ESR1: variants seen among roughly 807,000 people sequenced by gnomAD.
ESR1 encodes estrogen receptor 1.
A neutral mutation model predicts 52.7 loss-of-function variants in ESR1; 12 were observed. That is an observed-to-expected ratio of 0.23 (90% CI 0.15 to 0.37). The LOEUF is 0.37. Among genes scored for constraint, ESR1 ranks in the 10% least tolerant of loss-of-function variants. The pLI is 1.00. For missense variants in ESR1, 584 were observed against 779.7 expected (o/e 0.75, Z 2.99); for synonymous variants, 305 against 316.8 (o/e 0.96, Z 0.39).
intron 6 of ESR1, among the ~76,000 whole-genome samples, chr6:152,091,172 C>T (rs567622632): frequency 2.1e-4 from 32 of 152,334 alleles, no homozygotes; most frequent in African/African-American, 6.3e-4. Flanking sequence ...CCAAAGCACA[C>T]GAAGCATTCT....
chr6:151,815,220 T>A (rs1779421191), intron 1 of ESR1, among the ~76,000 whole-genome samples: 1 of 152,214 alleles, frequency 6.6e-6, no homozygotes, highest in Non-Finnish European at 1.5e-5. Flanking sequence ...CTGGAATATT[T>A]CAAGCAATTC....
intron 5 of ESR1, among the ~76,000 whole-genome samples, chr6:152,024,986 C>T (rs1415276805): frequency 6.6e-6 from 1 of 151,316 alleles, no homozygotes; most frequent in East Asian, 1.9e-4. Context: ...TTTTTCTTAG[C>T]TAGTGGCATT....
At chr6:152,050,620 A>T (rs2046607850) in intron 5 of ESR1, among the ~76,000 whole-genome samples, 1 of 152,194 alleles carries the variant, frequency 6.6e-6, no homozygotes, top group South Asian at 2.1e-4. Context: ...ACATATAAAC[A>T]TAGAGTTTTG....
rs530846349 is a variant in ESR1 at position 151,848,933 on chromosome 6, C to A, written c.643+6146C>A. Among the ~76,000 whole-genome samples, 3 of 152,224 alleles carry A rather than the reference C, an allele frequency of 2.0e-5. 1 individual carries two copies. The highest frequency in any genetic ancestry group is 2.0e-4 in the Admixed American group (3 of 15,274). On this transcript the variant is annotated intron_variant, in intron 2 of 7. Transcript: ENST00000206249. ...TCTCCCCCATTCACTGTACTCCAGG[C>A]ACACCAGCTTTTATTTTTATTTATT...
intron 5 of ESR1, among the ~76,000 whole-genome samples, chr6:152,052,337 C>G (rs750283260): frequency 1.3e-5 from 2 of 152,138 alleles, no homozygotes; most frequent in Non-Finnish European, 2.9e-5. Context: ...CACACATCTA[C>G]CCTTTATCAG....
chr6:151,918,063 A>G lies in ESR1; in HGVS notation c.761-26110A>G, dbSNP rs77558373. Among the ~76,000 whole-genome samples, 45 of 152,342 alleles carry G rather than the reference A, an allele frequency of 3.0e-4. No individual in the cohort carries two copies. In the East Asian group the frequency reaches 7.5e-3, roughly 25 times the overall value. On this transcript the variant is annotated intron_variant, in intron 3 of 7. Coordinates refer to ENST00000206249, the MANE Select transcript of ESR1 (RefSeq NM_000125.4). ...TTCAGTCAGTCCATTCCAGCTCAGC[A>G]GGGCAGAGGCTTGGGCTGTTGTAAA...
chr6:151,949,668 G>A (rs2036109920), intron 4 of ESR1, among the ~76,000 whole-genome samples: 1 of 152,174 alleles, frequency 6.6e-6, no homozygotes, highest in Admixed American at 6.5e-5. Context: ...CAGCTTTTTT[G>A]CAAGTGTTCC....
At chr6:152,071,991 AAG>A (rs1353508448) in intron 6 of ESR1, among the ~76,000 whole-genome samples, 12 of 152,208 alleles carry the variant, frequency 7.9e-5, no homozygotes, top group African/African-American at 2.4e-4. Context: ...CACTTTTACC[AAG>A]AGTGTATGAA....
chr6:151,857,937 A>G (rs1401225755), intron 2 of ESR1, among the ~76,000 whole-genome samples: 1 of 152,052 alleles, frequency 6.6e-6, no homozygotes, highest in Non-Finnish European at 1.5e-5. Flanking sequence ...CTGTATTTTT[A>G]TTTTTCCACA....
chr6:151,912,338 G>A (rs142410462), intron 3 of ESR1, among the ~76,000 whole-genome samples: 5 of 152,266 alleles, frequency 3.3e-5, no homozygotes, highest in African/African-American at 7.2e-5. Flanking sequence ...TTTAATTTGC[G>A]TAGCTTACCT....
intron 5 of ESR1, among the ~76,000 whole-genome samples, chr6:152,016,700 C>G (rs1238464774): frequency 8.5e-5 from 13 of 152,258 alleles, no homozygotes. Context: ...GCTCTTGTCC[C>G]ATCACATTGT....
intron 2 of ESR1, among the ~76,000 whole-genome samples, chr6:151,876,474 T>C (rs987262188): frequency 2.0e-5 from 3 of 152,212 alleles, no homozygotes; most frequent in African/African-American, 4.8e-5. Flanking sequence ...TGGCCTGTCT[T>C]TATATTCCTT....
In ESR1 at chr6:152,099,015, C is replaced by A. The variant is rs145244055; in HGVS notation, c.*49C>A. 6.7e-7 allele frequency: 1 copy of A among 1,497,570 alleles called. No homozygotes were observed. The highest frequency in any genetic ancestry group is 9.3e-7 in the Non-Finnish European group (1 of 1,079,392). The allele number at this position is 1,497,570 out of a possible 1,614,324, so 92.8% of individuals were successfully genotyped here. A position where few individuals can be genotyped will look rare whatever the true frequency, so the allele number is the denominator to read the frequency against. ...TCAGATAATCCCTGCTGCATTTTAC[C>A]CTCATCATGCACCACTTTAGCCAAA... On this transcript the variant is annotated 3_prime_UTR_variant, in exon 8 of 8. Transcript: ENST00000206249.
At chr6:152,011,567 C>A in intron 4 of ESR1, 89 bp from the exon 5 acceptor site, 1 of 1,465,010 alleles carries the variant, frequency 6.8e-7, no homozygotes, top group Non-Finnish European at 9.6e-7. Context: ...GAAAATAGAC[C>A]TTGTCAGTTC....
chr6:152,107,153 G>T (rs1021822058), downstream of ESR1, among the ~76,000 whole-genome samples: 1 of 152,062 alleles, frequency 6.6e-6, no homozygotes, highest in Non-Finnish European at 1.5e-5. Flanking sequence ...AACTTGGGAA[G>T]TTTTCAGCCA....
intron 1 of ESR1, chr6:151,811,141 A>G (rs1778774000): frequency 6.6e-6 from 1 of 152,222 alleles, no homozygotes; most frequent in Non-Finnish European, 1.5e-5. Context: ...ATGCAGCCAC[A>G]TCTATGTGTG....
At chr6:151,750,404 T>C (rs1470386516) in intron 2 of ESR1, among the ~76,000 whole-genome samples, 2 of 152,160 alleles carry the variant, frequency 1.3e-5, no homozygotes, top group Non-Finnish European at 2.9e-5. Context: ...GTATGTTTAG[T>C]GGGACGGCGG....
intron 1 of ESR1, among the ~76,000 whole-genome samples, chr6:151,695,573 A>G (rs757389447): frequency 2.1e-4 from 32 of 152,196 alleles, no homozygotes; most frequent in Non-Finnish European, 3.5e-4. Flanking sequence ...GGAAGCCATC[A>G]AGGTCCTTTT....
chr6:151,685,107 CTTTTTTTTTTTTTTTTTTTTTTT>C (rs772122906), intron 1 of ESR1, among the ~76,000 whole-genome samples: 8 of 72,914 alleles, frequency 1.1e-4, no homozygotes, highest in African/African-American at 3.3e-4. Context: ...ACACTGGCCT[CTTTTTTTTTTTTTTTTTTTTTTT>C]TTTTTTTTTT....
Sources: gnomAD v4.1 joint callset for allele counts (sites outside exome capture counted in the v4.1 genomes callset) on GRCh38, gnomAD v4.1.1 for gene constraint, MANE v1.5 for transcripts, NCBI Gene and HGNC (gene_info 2026-07-23, HGNC 2026-07-21) for gene names.